The following GRID1 variants were observed in gnomAD, a reference collection of about 807,000 sequenced individuals.
The protein encoded by GRID1 is glutamate ionotropic receptor delta type subunit 1.
A neutral mutation model predicts 98.0 loss-of-function variants in GRID1; 28 were observed. That is an observed-to-expected ratio of 0.29 (90% confidence interval 0.21 to 0.39). The LOEUF is 0.39. Among genes scored for constraint, GRID1 ranks in the 10% least tolerant of loss-of-function variants. GRID1 has a pLI of 1.00. For missense variants in GRID1, 1,111 were observed against 1,340.5 expected (o/e 0.83, Z 2.67); for synonymous variants, 553 against 538.5 (o/e 1.03, Z -0.37).
At position 86,343,157 on chromosome 10, in the gene GRID1, T is replaced by C. The variant is rs78022602; in HGVS notation, c.235+20784A>G. On this transcript the variant is annotated intron_variant, in intron 2 of 15. Coordinates refer to ENST00000327946, the MANE Select transcript of GRID1 (RefSeq NM_017551.3). ...CCATCCAGGAATTAGGGTTGGGTTT[T>C]CTGCAGAGGGTTATTCACCTTCTTC... is the stretch of plus-strand genomic sequence containing the variant. Among the ~76,000 whole-genome samples, 407 of 152,358 alleles carry C rather than the reference T, an allele frequency of 2.7e-3. 7 individuals are homozygous for C. The East Asian group carries it at 0.063, about 23-fold the overall frequency.
intron 2 of GRID1, among the ~76,000 whole-genome samples, chr10:86,307,596 G>C (rs1847776023): frequency 6.6e-6 from 1 of 152,126 alleles, no homozygotes; most frequent in South Asian, 2.1e-4. Context: ...AGATGAATAA[G>C]TTCTAAAGAT....
chr10:86,166,526 T>C (rs1845401210), intron 3 of GRID1, among the ~76,000 whole-genome samples: 1 of 152,226 alleles, frequency 6.6e-6, no homozygotes, highest in African/African-American at 2.4e-5. Flanking sequence ...TCAGGAGAAC[T>C]TGCAAGGCCT....
intron 8 of GRID1, among the ~76,000 whole-genome samples, chr10:85,761,178 G>A (rs1842143990): frequency 6.6e-6 from 1 of 152,158 alleles, no homozygotes; most frequent in African/African-American, 2.4e-5. Flanking sequence ...ACTCAACAGT[G>A]CCTGCCTCCA....
At chr10:85,826,651 GCTA>G (rs1842823119) in intron 8 of GRID1, among the ~76,000 whole-genome samples, 1 of 152,098 alleles carries the variant, frequency 6.6e-6, no homozygotes, top group Non-Finnish European at 1.5e-5. Flanking sequence ...CACTGCTGTG[GCTA>G]CTGGCAGGCA....
At chr10:85,989,257 T>A (rs1307501252) in intron 4 of GRID1, among the ~76,000 whole-genome samples, 1 of 152,190 alleles carries the variant, frequency 6.6e-6, no homozygotes, top group African/African-American at 2.4e-5. Context: ...TCATTTGCTG[T>A]CTGTAGGAAT....
At chr10:86,104,347 G>A (rs553214260) in intron 4 of GRID1, among the ~76,000 whole-genome samples, 1 of 152,306 alleles carries the variant, frequency 6.6e-6, no homozygotes, top group Non-Finnish European at 1.5e-5. Context: ...GGGGTGGCCA[G>A]ACACCCACGA....
intron 2 of GRID1, among the ~76,000 whole-genome samples, chr10:86,292,439 A>G (rs1056540717): frequency 6.6e-6 from 1 of 152,194 alleles, no homozygotes; most frequent in Non-Finnish European, 1.5e-5. Flanking sequence ...CCATGCCGGG[A>G]AGAAAGTCTC....
chr10:85,862,162 A>G (rs1843169203), intron 6 of GRID1, among the ~76,000 whole-genome samples: 1 of 152,204 alleles, frequency 6.6e-6, no homozygotes, highest in Non-Finnish European at 1.5e-5. Context: ...CCTAATCAGG[A>G]CCTGCTACAA....
At chr10:86,040,151 T>C (rs182694417) in intron 4 of GRID1, among the ~76,000 whole-genome samples, 31 of 152,052 alleles carry the variant, frequency 2.0e-4, no homozygotes, top group South Asian at 1.4e-3. Flanking sequence ...CATGGGAATG[T>C]AAATGAGTAT....
At chr10:85,829,841 G>A (rs537016656) in intron 8 of GRID1, among the ~76,000 whole-genome samples, 13 of 152,258 alleles carry the variant, frequency 8.5e-5, no homozygotes, top group Admixed American at 7.9e-4. Flanking sequence ...CTCATAGATA[G>A]GAAGAATCAA....
chr10:86,034,271 C>T (rs1843225428), intron 4 of GRID1, among the ~76,000 whole-genome samples: 1 of 151,974 alleles, frequency 6.6e-6, no homozygotes, highest in African/African-American at 2.4e-5. Context: ...TATGTGTGTG[C>T]AGAATATCAA....
chr10:85,622,511 G>C (rs539425171), intron 13 of GRID1, among the ~76,000 whole-genome samples: 100 of 152,266 alleles, frequency 6.6e-4, no homozygotes, highest in African/African-American at 2.4e-3. Flanking sequence ...GAGTTGCTGG[G>C]ACTACAGGTT....
intron 12 of GRID1, among the ~76,000 whole-genome samples, chr10:85,702,919 A>G (rs913933630): frequency 6.6e-6 from 1 of 151,862 alleles, no homozygotes; most frequent in Non-Finnish European, 1.5e-5. Context: ...GGAAAGAAAG[A>G]GGAAGAAGGG....
chr10:85,893,942 G>A (rs550665948), intron 5 of GRID1, among the ~76,000 whole-genome samples: 1 of 152,304 alleles, frequency 6.6e-6, no homozygotes, highest in South Asian at 2.1e-4. Flanking sequence ...TGTCCTGAGT[G>A]CCTCACTTGT....
At chr10:85,969,156 G>A (rs1039207222) in intron 4 of GRID1, among the ~76,000 whole-genome samples, 2 of 152,158 alleles carry the variant, frequency 1.3e-5, no homozygotes, top group Non-Finnish European at 2.9e-5. Context: ...ATAAACCTAT[G>A]TTCATCTAAC....
intron 12 of GRID1, among the ~76,000 whole-genome samples, chr10:85,720,682 A>AC (rs1187027028): frequency 2.6e-5 from 4 of 151,360 alleles, no homozygotes; most frequent in African/African-American, 9.7e-5. Flanking sequence ...AGAAAAAAAA[A>AC]CCCCAAAACT....
chr10:86,226,220 C>T (rs1589417724), intron 2 of GRID1, among the ~76,000 whole-genome samples: 1 of 151,840 alleles, frequency 6.6e-6, no homozygotes, highest in African/African-American at 2.4e-5. Flanking sequence ...CACCCCTGGC[C>T]GTCACACGTC....
At chr10:85,985,112 G>A (rs909820013) in intron 4 of GRID1, among the ~76,000 whole-genome samples, 2 of 152,088 alleles carry the variant, frequency 1.3e-5, no homozygotes, top group Non-Finnish European at 2.9e-5. Flanking sequence ...AATGTCTCCA[G>A]ACATTGCCAA....
At chr10:86,070,386 C>G (rs991534912) in intron 4 of GRID1, among the ~76,000 whole-genome samples, 9 of 152,176 alleles carry the variant, frequency 5.9e-5, no homozygotes, top group African/African-American at 1.9e-4. Context: ...GAGTGTCTTT[C>G]CAGAATCAAA....
Sources: allele counts gnomAD v4.1 joint callset (sites outside exome capture counted in the v4.1 genomes callset), GRCh38; gene constraint gnomAD v4.1.1; transcripts MANE v1.5; gene names NCBI Gene and HGNC (gene_info 2026-07-23, HGNC 2026-07-21).